ATXN10: variants seen among roughly 807,000 people sequenced by gnomAD.
ATXN10 encodes the protein ataxin-10.
A neutral mutation model predicts 52.9 loss-of-function variants in ATXN10; 28 were observed. The ratio of observed to expected loss-of-function variants is 0.53; its 90% CI spans 0.39 to 0.73. The LOEUF is 0.73. ATXN10 is among the 30% of genes least tolerant of loss of function. The pLI is 0.00. For missense variants in ATXN10, 565 were observed against 577.0 expected (o/e 0.98, Z 0.21); for synonymous variants, 226 against 221.5 (o/e 1.02, Z -0.18).
At position 45,826,392 on chromosome 22, in the gene ATXN10, G is replaced by A. The variant is rs1928815950; in HGVS notation, c.1238-16599G>A. Among the ~76,000 whole-genome samples the A allele has an allele frequency of 6.6e-6, 1 of 152,118 alleles. No homozygotes were observed. Among genetic ancestry groups the A allele is most frequent in the East Asian group, 1.9e-4 (1 of 5,200 alleles). Reference sequence around the variant, plus strand: ...GCAGAGAGAATATCTGAAGAAATAAGGACTGAAAATTTTCCACATTTGATG... The same window carrying A: ...GCAGAGAGAATATCTGAAGAAATAAAGACTGAAAATTTTCCACATTTGATG... On this transcript the variant is annotated intron_variant, in intron 10 of 11. Coordinates refer to ENST00000252934, the MANE Select transcript of ATXN10 (RefSeq NM_013236.4). The surrounding 1 kb of genome is among the most constrained non-coding windows in gnomAD (Gnocchi z 5.0).
intron 1 of ATXN10, chr22:45,673,324 C>T (rs999940230): frequency 1.3e-5 from 2 of 152,264 alleles, no homozygotes; most frequent in Non-Finnish European, 2.9e-5. Flanking sequence ...AATACTGAGA[C>T]TTGGGTCAGC....
In ATXN10 at chr22:45,774,235, T is replaced by C. The variant is rs1277255056; in HGVS notation, c.1174-32724T>C. On this transcript the variant is annotated intron_variant, in intron 9 of 11. Coordinates refer to ENST00000252934, the MANE Select transcript of ATXN10 (RefSeq NM_013236.4). The surrounding 1 kb of genome is among the most constrained non-coding windows in gnomAD (Gnocchi z 6.2). ...ACTTGGCATTTCTGCTGGGGGAGTT[T>C]TTGGCCTCCATAACTCTGTGACTGT... is the stretch of plus-strand genomic sequence containing the variant. 6.6e-6 allele frequency among the ~76,000 whole-genome samples: 1 copy of C among 152,198 alleles called. No individual in the cohort carries two copies. Among genetic ancestry groups the C allele is most frequent in the Non-Finnish European group, 1.5e-5 (1 of 68,026 alleles).
At chr22:45,765,123 T>C (rs1400501178) in intron 9 of ATXN10, among the ~76,000 whole-genome samples, 1 of 152,192 alleles carries the variant, frequency 6.6e-6, no homozygotes, top group East Asian at 1.9e-4. Flanking sequence ...AGTATGCCCC[T>C]GTGGAAACAC....
At position 45,795,895 on chromosome 22, in the gene ATXN10, C is replaced by T. The variant is rs554454072; in HGVS notation, c.1174-11064C>T. ...TCACCTCAGGATCCCGTGATGATCACGTTATCTGCACAAATTGTTTGTAAA... is the reference window on the plus strand; with the variant it reads ...TCACCTCAGGATCCCGTGATGATCATGTTATCTGCACAAATTGTTTGTAAA... On this transcript the variant is annotated intron_variant, in intron 9 of 11. Transcript: ENST00000252934. This position sits in a 1 kb window ranked among gnomAD's most constrained non-coding sequence, Gnocchi z 4.6. 1.3e-5 allele frequency among the ~76,000 whole-genome samples: 2 copies of T among 152,288 alleles called. No individual in the cohort carries two copies. The highest frequency in any genetic ancestry group is 1.9e-4 in the East Asian group (1 of 5,184).
Position 45,690,033 on chromosome 22 carries a change from G to A in ATXN10, c.308+130G>A, listed in dbSNP as rs2146737784. 8.8e-6 allele frequency: 8 copies of A among 912,716 alleles called. No individual in the cohort carries two copies. The South Asian group carries it at 1.1e-4, about 13-fold the overall frequency. The allele number at this position is 912,716 out of a possible 1,614,324, so 56.5% of individuals were successfully genotyped here. ...CATGCCTGTAATCCCAGCATTTTGG[G>A]AGGCTGAGGCAGGAGGATTGCTTGA... is the stretch of plus-strand genomic sequence containing the variant. On this transcript the variant is annotated intron_variant, in intron 2 of 11. Transcript: ENST00000252934. This position sits in a 1 kb window ranked among gnomAD's most constrained non-coding sequence, Gnocchi z 4.5.
intron 9 of ATXN10, among the ~76,000 whole-genome samples, chr22:45,760,981 A>G (rs1001494259): frequency 6.6e-6 from 1 of 152,076 alleles, no homozygotes; most frequent in African/African-American, 2.4e-5. Context: ...TATGTGAGAG[A>G]CAGTAATTTG....
chr22:45,776,562 T>A (rs192473786), intron 9 of ATXN10, among the ~76,000 whole-genome samples: 1 of 151,958 alleles, frequency 6.6e-6, no homozygotes, highest in Non-Finnish European at 1.5e-5. Flanking sequence ...TAAACTGATA[T>A]GGAAGAGAAG....
chr22:45,730,925 T>G (rs939123398), intron 7 of ATXN10, among the ~76,000 whole-genome samples: 1 of 152,218 alleles, frequency 6.6e-6, no homozygotes, highest in Admixed American at 6.5e-5. Flanking sequence ...ACAGTTTGCT[T>G]CTTCTCTTCT....
intron 7 of ATXN10, among the ~76,000 whole-genome samples, chr22:45,730,466 C>T (rs1193794579): frequency 6.6e-6 from 1 of 152,060 alleles, no homozygotes; most frequent in Non-Finnish European, 1.5e-5. Flanking sequence ...CAAAGCCTTG[C>T]TCTGTCGCCC....
intron 2 of ATXN10, among the ~76,000 whole-genome samples, chr22:45,692,087 G>C (rs555404589): frequency 7.9e-5 from 12 of 152,350 alleles, no homozygotes; most frequent in Admixed American, 2.6e-4. Flanking sequence ...TTATGTAAAT[G>C]CCTAATGCAC....
intron 1 of ATXN10, chr22:45,676,810 C>T (rs956892921): frequency 3.3e-5 from 5 of 152,202 alleles, no homozygotes; most frequent in African/African-American, 1.2e-4. Context: ...GACAGGGTCT[C>T]ACTCTGTTGC....
chr22:45,723,203 GAT>G (rs765702537), intron 6 of ATXN10, among the ~76,000 whole-genome samples: 1 of 152,034 alleles, frequency 6.6e-6, no homozygotes, highest in Non-Finnish European at 1.5e-5. Context: ...TTATGATAGA[GAT>G]ATATATAGAT....
At chr22:45,822,558 T>C (rs2146901567) in intron 10 of ATXN10, among the ~76,000 whole-genome samples, 1 of 138,734 alleles carries the variant, frequency 7.2e-6, no homozygotes, top group East Asian at 2.1e-4. Flanking sequence ...TGAGATGGAG[T>C]CTTGCTCTGT....
In ATXN10 at chr22:45,793,626, A is replaced by C. The variant is rs760078296; in HGVS notation, c.1174-13333A>C. The C allele has an allele frequency of 1.7e-5, 23 of 1,353,740 alleles. No homozygotes were observed. In the Middle Eastern group the frequency reaches 1.2e-3, roughly 69 times the overall value. The allele number at this position is 1,353,740 out of a possible 1,614,324, so 83.9% of individuals were successfully genotyped here. A position where few individuals can be genotyped will look rare whatever the true frequency, so the allele number is the denominator to read the frequency against. ...AGGCAGCTATTGCTTCAGAAGTCAC[A>C]GTCTGTTCCACCAGCCTTTGCCAAG... On this transcript the variant is annotated intron_variant, in intron 9 of 11. Transcript: ENST00000252934.
chr22:45,843,258 G>T lies in ATXN10; in HGVS notation c.1425+80G>T. On this transcript the variant is annotated intron_variant, in intron 11 of 11. Transcript: ENST00000252934. This position sits in a 1 kb window ranked among gnomAD's most constrained non-coding sequence, Gnocchi z 4.5. Reference sequence around the variant, plus strand: ...ACTTCCCCATTGCTTCAAGCACGAGGCTCTTTGTAAGAATATGGATGGGAG... The same window carrying T: ...ACTTCCCCATTGCTTCAAGCACGAGTCTCTTTGTAAGAATATGGATGGGAG... 6.8e-7 allele frequency: 1 copy of T among 1,465,294 alleles called. No individual in the cohort carries two copies. The highest frequency in any genetic ancestry group is 9.5e-7 in the Non-Finnish European group (1 of 1,050,530). 90.8% of individuals were successfully genotyped at this position (1,465,294 alleles called of 1,614,324 possible).
chr22:45,789,302 G>A lies in ATXN10; in HGVS notation c.1174-17657G>A, dbSNP rs73889615. Among the ~76,000 whole-genome samples the A allele has an allele frequency of 2.6e-5, 4 of 152,150 alleles. No individual in the cohort carries two copies. The highest frequency in any genetic ancestry group is 7.2e-5 in the African/African-American group (3 of 41,408). On this transcript the variant is annotated intron_variant, in intron 9 of 11. Transcript: ENST00000252934. This position sits in a 1 kb window ranked among gnomAD's most constrained non-coding sequence, Gnocchi z 4.0. ...CCCCTGGCTAAGTTTCATTCAGTAC[G>A]TATCTGTTGGTTATATTTGGACCCT...
chr22:45,671,899 C>T lies in ATXN10; in HGVS notation c.-165C>T. 1.2e-5 allele frequency: 9 copies of T among 745,852 alleles called. No individual in the cohort carries two copies. The highest frequency in any genetic ancestry group is 1.9e-5 in the Non-Finnish European group (9 of 483,626). 46.2% of individuals were successfully genotyped at this position (745,852 alleles called of 1,614,324 possible). The stretch of plus-strand genomic sequence containing the variant: ...CTAGAGCTCTCCGGCGGCGGCGCAG[C>T]TTCAGGGCAGCGCGGGCTGCAGCGG... On this transcript the variant is annotated 5_prime_UTR_variant, in exon 1 of 12. Transcript: ENST00000252934.
At chr22:45,694,611 C>T (rs1299250373) in intron 3 of ATXN10, among the ~76,000 whole-genome samples, 1 of 151,866 alleles carries the variant, frequency 6.6e-6, no homozygotes, top group East Asian at 1.9e-4. Flanking sequence ...GTGAAACCCC[C>T]TCTCTACTAA....
chr22:45,767,990 AG>A (rs1256141747), intron 9 of ATXN10, among the ~76,000 whole-genome samples: 4 of 152,240 alleles, frequency 2.6e-5, no homozygotes, highest in African/African-American at 9.6e-5. Flanking sequence ...GCTGTTAGAC[AG>A]CAAGAATTTC....
Sources: allele counts gnomAD v4.1 joint callset (sites outside exome capture counted in the v4.1 genomes callset), GRCh38; gene constraint gnomAD v4.1.1; non-coding constraint Gnocchi (gnomAD v3.1); transcripts MANE v1.5; gene names NCBI Gene and HGNC (gene_info 2026-07-23, HGNC 2026-07-21).